The following GCSAML variants were observed in gnomAD, a reference collection of about 807,000 sequenced individuals.
GCSAML encodes germinal center associated signaling and motility like.
In GCSAML, 9 loss-of-function variants were observed where a neutral mutation model predicts 13.0. The observed-to-expected ratio is 0.69, with a 90% confidence interval of 0.42 to 1.21. The LOEUF (loss-of-function observed/expected upper bound fraction) is 1.21, where lower values mean the gene tolerates loss of function less well. Among genes scored for constraint, GCSAML ranks in the 50% most tolerant of loss-of-function variants. GCSAML has a pLI of 0.00. For synonymous variants in GCSAML, 37 were observed against 52.9 expected (o/e 0.70, Z 1.31); for missense variants, 143 against 153.4 (o/e 0.93, Z 0.36).
intron 1 of GCSAML, among the ~76,000 whole-genome samples, chr1:247,508,988 C>G (rs535914964): frequency 6.6e-6 from 1 of 152,134 alleles, no homozygotes; most frequent in East Asian, 1.9e-4. Context: ...GATTTGGGCT[C>G]TTTTTTTGGT....
chr1:247,538,672 A>C (rs780642321), intron 2 of GCSAML: 1 of 453,244 alleles, frequency 2.2e-6, no homozygotes, highest in South Asian at 1.6e-5. Context: ...CCACACATGC[A>C]CAGAGGAAAG....
intron 4 of GCSAML, among the ~76,000 whole-genome samples, chr1:247,569,784 C>T (rs1668530569): frequency 1.3e-5 from 2 of 152,156 alleles, no homozygotes; most frequent in South Asian, 4.1e-4. Context: ...AGGAATGGTA[C>T]CAGCTCCTCT....
Position 247,525,009 on chromosome 1 carries a change from T to C in GCSAML, c.-262-1931T>C, listed in dbSNP as rs1666620257. 3 of 152,332 alleles carry C rather than the reference T, an allele frequency of 2.0e-5. No individual in the cohort carries two copies. In the East Asian group the frequency reaches 5.8e-4, roughly 29 times the overall value. The allele number at this position is 152,332 out of a possible 1,614,324, so 9.4% of individuals were successfully genotyped here. On this transcript the variant is annotated intron_variant, in intron 1 of 5. Transcript: ENST00000366489. ...GTAAGATTTGCAAGTAAAACTAAAGTTACTAACAAAATCAAATGTTAGTGA... is the reference window on the plus strand; with the variant it reads ...GTAAGATTTGCAAGTAAAACTAAAGCTACTAACAAAATCAAATGTTAGTGA...
intron 1 of GCSAML, among the ~76,000 whole-genome samples, chr1:247,513,221 T>A (rs933792047): frequency 1.3e-5 from 2 of 152,116 alleles, no homozygotes; most frequent in Non-Finnish European, 2.9e-5. Context: ...AGAGGAGCAA[T>A]CTAGAGAGGC....
At chr1:247,534,072 C>T (rs1415962884) in intron 2 of GCSAML, among the ~76,000 whole-genome samples, 2 of 152,120 alleles carry the variant, frequency 1.3e-5, no homozygotes, top group African/African-American at 4.8e-5. Flanking sequence ...TGACTGAGGC[C>T]CTCCCTGACT....
chr1:247,570,362 C>G (rs1200614160), intron 4 of GCSAML, among the ~76,000 whole-genome samples: 1 of 152,170 alleles, frequency 6.6e-6, no homozygotes, highest in Non-Finnish European at 1.5e-5. Context: ...AAATTTCCCT[C>G]TAAACACTGC....
At chr1:247,571,865 C>T (rs565257733) in intron 4 of GCSAML, among the ~76,000 whole-genome samples, 3 of 152,304 alleles carry the variant, frequency 2.0e-5, no homozygotes, top group South Asian at 2.1e-4. Flanking sequence ...TCTTTGTTCA[C>T]ATAGTCCCAT....
At chr1:247,520,948 CTTATAG>C (rs1408772605) in intron 1 of GCSAML, among the ~76,000 whole-genome samples, 1 of 152,196 alleles carries the variant, frequency 6.6e-6, no homozygotes, top group East Asian at 1.9e-4. Flanking sequence ...ACTGCTCTGT[CTTATAG>C]TTTTAGTATG....
chr1:247,574,258 T>C lies in GCSAML; in HGVS notation c.284T>C (p.Leu95Pro). The stretch of plus-strand genomic sequence containing the variant: ...GATGGCTATGAGAACATTGACTCCC[T>C]CACAAGGAAAGTGAGACAGTTTAGA... ...NDDGYENIDS[L>P]TRKVRQFRER... Residue 95 changes from leucine to proline, a missense_variant, in exon 5 of 5, where the codon CTC becomes CCC. Coordinates refer to ENST00000366488, the MANE Select transcript of GCSAML (RefSeq NM_145278.5). 1 of 1,614,110 alleles carries C rather than the reference T, an allele frequency of 6.2e-7. No individual in the cohort carries two copies. The highest frequency in any genetic ancestry group is 1.1e-5 in the South Asian group (1 of 91,080).
intron 2 of GCSAML, among the ~76,000 whole-genome samples, chr1:247,542,295 A>G (rs1667442060): frequency 6.6e-6 from 1 of 152,224 alleles, no homozygotes; most frequent in South Asian, 2.1e-4. Context: ...TTTTAAAAAA[A>G]GGAAGAAAGA....
chr1:247,563,078 A>C (rs540737253), intron 2 of GCSAML, among the ~76,000 whole-genome samples: 4 of 149,186 alleles, frequency 2.7e-5, no homozygotes, highest in African/African-American at 9.9e-5. Context: ...TCGATCTCCT[A>C]ACCTCGTGAT....
At chr1:247,514,301 G>C (rs1286585401) in intron 1 of GCSAML, among the ~76,000 whole-genome samples, 1 of 152,126 alleles carries the variant, frequency 6.6e-6, no homozygotes, top group African/African-American at 2.4e-5. Flanking sequence ...TTTAAGAATT[G>C]TCTATTCGTG....
At chr1:247,522,977 C>CT (rs1351241617) in intron 1 of GCSAML, among the ~76,000 whole-genome samples, 3 of 150,584 alleles carry the variant, frequency 2.0e-5, no homozygotes, top group Non-Finnish European at 2.9e-5. Flanking sequence ...TCTGAGTGCT[C>CT]TAACAAATAC....
At chr1:247,552,022 G>A (rs1222259564) in intron 1 of GCSAML, among the ~76,000 whole-genome samples, 1 of 152,152 alleles carries the variant, frequency 6.6e-6, no homozygotes, top group Non-Finnish European at 1.5e-5. Context: ...GAAAGATACA[G>A]GGAAAGTTAG....
At chr1:247,547,385 A>G (rs1011136072), upstream of GCSAML, among the ~76,000 whole-genome samples, 1 of 152,148 alleles carries the variant, frequency 6.6e-6, no homozygotes, top group African/African-American at 2.4e-5. Context: ...TACCAGACCA[A>G]TTTATGCTAG....
At chr1:247,509,855 C>T (rs955906169) in intron 1 of GCSAML, among the ~76,000 whole-genome samples, 2 of 152,122 alleles carry the variant, frequency 1.3e-5, no homozygotes, top group Admixed American at 1.3e-4. Context: ...ATGAAGCTGA[C>T]TTGATATTAG....
At chr1:247,557,586 G>C (rs902719615) in intron 2 of GCSAML, among the ~76,000 whole-genome samples, 5 of 152,132 alleles carry the variant, frequency 3.3e-5, no homozygotes, top group African/African-American at 1.2e-4. Context: ...GATGAGCCAG[G>C]TATCTGTTGG....
chr1:247,556,801 G>A (rs1263619124), intron 2 of GCSAML, among the ~76,000 whole-genome samples: 2 of 152,062 alleles, frequency 1.3e-5, no homozygotes, highest in Non-Finnish European at 2.9e-5. Flanking sequence ...ATAATCTTTG[G>A]AAAACATGTC....
intron 2 of GCSAML, among the ~76,000 whole-genome samples, chr1:247,533,054 G>C (rs537592780): frequency 6.6e-6 from 1 of 152,164 alleles, no homozygotes; most frequent in Admixed American, 6.5e-5. Context: ...CATTAAAATT[G>C]TGCCCTCTCA....
Sources: gnomAD v4.1 joint callset for allele counts (sites outside exome capture counted in the v4.1 genomes callset) on GRCh38, gnomAD v4.1.1 for gene constraint, MANE v1.5 for transcripts, NCBI Gene and HGNC (gene_info 2026-07-23, HGNC 2026-07-21) for gene names.